MAST2: variants seen among roughly 807,000 people sequenced by gnomAD.
MAST2 encodes microtubule-associated serine/threonine-protein kinase 2.
In MAST2, 70 loss-of-function variants were observed where a neutral mutation model predicts 147.4. That is an observed-to-expected ratio of 0.47 (90% CI 0.39 to 0.58). MAST2 has a LOEUF of 0.58. Ranked by LOEUF, MAST2 falls within the 20% of genes least tolerant of loss-of-function variation. The probability of loss-of-function intolerance (pLI) is 0.00; values close to 1 mark genes in which losing one functional copy is unlikely to be tolerated. For missense variants in MAST2, 2,080 were observed against 2,302.3 expected (o/e 0.90, Z 1.98); for synonymous variants, 869 against 896.8 (o/e 0.97, Z 0.55).
At chr1:46,003,038 G>A (rs887713724) in intron 7 of MAST2, among the ~76,000 whole-genome samples, 155 bp downstream of exon 7, 3 of 152,176 alleles carry the variant, frequency 2.0e-5, no homozygotes, top group African/African-American at 7.2e-5. Flanking sequence ...GAGGGCTGGG[G>A]TCCCTTCCCA....
intron 3 of MAST2, among the ~76,000 whole-genome samples, chr1:45,830,181 CTTTTTTTT>C (rs11407885): frequency 6.5e-5 from 7 of 108,256 alleles, no homozygotes; most frequent in African/African-American, 2.2e-4. Flanking sequence ...TTAATTGAAT[CTTTTTTTT>C]TTTTTTTTTT....
Position 45,827,202 on chromosome 1 carries a change from A to G in MAST2, c.326-2237A>G, listed in dbSNP as rs950070770. On this transcript the variant is annotated intron_variant, in intron 2 of 28. Coordinates refer to ENST00000361297, the MANE Select transcript of MAST2 (RefSeq NM_015112.3). The stretch of plus-strand genomic sequence containing the variant: ...GATAAAAGCATGTGCTTGGTCTGCC[A>G]TCTTTAACTGAGAATGTTTTATGCA... Among the ~76,000 whole-genome samples, 11 of 152,330 alleles carry G rather than the reference A, an allele frequency of 7.2e-5. No individual in the cohort carries two copies. In the South Asian group the frequency reaches 1.2e-3, roughly 17 times the overall value.
chr1:45,959,211 C>G (rs955250987), intron 4 of MAST2, among the ~76,000 whole-genome samples, 175 bp from the exon 5 acceptor site: 1 of 152,146 alleles, frequency 6.6e-6, no homozygotes, highest in Admixed American at 6.5e-5. Context: ...AGGAGGAACA[C>G]AGTGCTTTAT....
At chr1:46,029,801 C>A in intron 19 of MAST2, 30 bp from the exon 20 acceptor site, 1 of 1,612,044 alleles carries the variant, frequency 6.2e-7, no homozygotes, top group Non-Finnish European at 8.5e-7. Context: ...GCTCATCCTA[C>A]CCCCTTGCCC....
At chr1:46,005,799 C>A (rs552961533) in intron 7 of MAST2, among the ~76,000 whole-genome samples, 5 of 152,264 alleles carry the variant, frequency 3.3e-5, no homozygotes, top group African/African-American at 1.2e-4. Flanking sequence ...GCCTTCACAG[C>A]CCCAGCAAAG....
At chr1:45,831,902 C>T (rs1644969431) in intron 3 of MAST2, among the ~76,000 whole-genome samples, 1 of 151,750 alleles carries the variant, frequency 6.6e-6, no homozygotes, top group Non-Finnish European at 1.5e-5. Context: ...GTGTCAGCCT[C>T]CCAAGTAGCT....
In MAST2 at chr1:45,980,275, CAAAAAAAAAAA is replaced by C. The variant is rs35235290; in HGVS notation, c.593-17437_593-17427del. On this transcript the variant is annotated intron_variant, in intron 5 of 28. Transcript: ENST00000361297. ...GGGCAACAGAGTGAGACTGTGTTTC[CAAAAAAAAAAA>C]AAAAAAAAAAAGGCAACAAAAGATT... is the stretch of plus-strand genomic sequence containing the variant. Among the ~76,000 whole-genome samples, 69 of 84,058 alleles carry C rather than the reference CAAAAAAAAAAA, an allele frequency of 8.2e-4. 1 individual carries two copies. Among genetic ancestry groups the C allele is most frequent in the South Asian group, 4.2e-3 (10 of 2,358 alleles). 55.1% of individuals were successfully genotyped at this position (84,058 alleles called of 152,430 possible).
rs1401255303 is a variant in MAST2, at chr1:46,022,989, C to T, written c.1485+18C>T. 2 of 1,611,664 alleles carry T rather than the reference C, an allele frequency of 1.2e-6. No homozygotes were observed. Among genetic ancestry groups the T allele is most frequent in the Middle Eastern group, 1.7e-4 (1 of 6,058 alleles). ...CTATTGAGGTAAAAACCCTGAGCTC[C>T]TACCCCATTCCTGGAGCCTGGGCCC... On this transcript the variant is annotated intron_variant, in intron 13 of 28. Coordinates refer to ENST00000361297, the MANE Select transcript of MAST2 (RefSeq NM_015112.3).
At chr1:45,993,362 T>C (rs1243298791) in intron 5 of MAST2, among the ~76,000 whole-genome samples, 1 of 152,028 alleles carries the variant, frequency 6.6e-6, no homozygotes, top group East Asian at 1.9e-4. Flanking sequence ...TGAAAAAGTA[T>C]TTATTTTTTA....
At chr1:45,832,805 T>G (rs1227126917) in intron 3 of MAST2, among the ~76,000 whole-genome samples, 1 of 152,176 alleles carries the variant, frequency 6.6e-6, no homozygotes, top group Non-Finnish European at 1.5e-5. Flanking sequence ...AATTCACATA[T>G]GATATAATTC....
At chr1:45,810,857 CTTTT>C (rs1221701114) in intron 1 of MAST2, among the ~76,000 whole-genome samples, 1 of 119,980 alleles carries the variant, frequency 8.3e-6, no homozygotes. Context: ...GCAGTATATT[CTTTT>C]TTTTTTTTTT....
Position 46,033,809 on chromosome 1 carries a change from A to G in MAST2, c.3545A>G (p.Asn1182Ser), listed in dbSNP as rs753514688. 13 of 1,614,034 alleles carry G rather than the reference A, an allele frequency of 8.1e-6. No homozygotes were observed. Among genetic ancestry groups the G allele is most frequent in the African/African-American group, 8.0e-5 (6 of 74,932 alleles). The change falls in exon 27 of 29, where the codon AAC becomes AGC. Residue 1182 changes from asparagine (N) to serine (S), a missense_variant. Asn to Ser is a conservative substitution (Grantham distance 46). Around this residue, in one of 4 missense-constraint regions of MAST2, gnomAD observed 1,278 missense variants for 1,304.2 expected, o/e 0.98. Transcript: ENST00000361297. ...TCATGCTCTGCTCCCCAGAGTGGAA[A>G]CAAGGTGGCCATTTCAACAACTCCC... ...EVVELILKSG[N>S]KVAISTTPLE...
chr1:46,027,785 A>C lies in MAST2; in HGVS notation c.1974A>C (p.Lys658Asn), dbSNP rs983454803. The C allele has an allele frequency of 4.3e-6, 7 of 1,614,076 alleles. No individual in the cohort carries two copies. Among genetic ancestry groups the C allele is most frequent in the Non-Finnish European group, 5.1e-6 (6 of 1,180,030 alleles). ...AGCTCACGGACTTTGGACTGTCCAA[A>C]ATTGGCCTCATGAGTCTGACAACGA... is the stretch of plus-strand genomic sequence containing the variant. ...HIKLTDFGLS[K>N]IGLMSLTTNL... Residue 658 changes from lysine to asparagine, a missense_variant, in exon 17 of 29, where the codon AAA becomes AAC. Around this residue, in one of 4 missense-constraint regions of MAST2, gnomAD observed 209 missense variants for 309.5 expected, o/e 0.68. Transcript: ENST00000361297.
chr1:45,889,758 A>G (rs1647395766), intron 4 of MAST2, among the ~76,000 whole-genome samples: 1 of 151,600 alleles, frequency 6.6e-6, no homozygotes, highest in South Asian at 2.1e-4. Context: ...GGTGCACGCC[A>G]TGACACCCAG....
At chr1:45,806,969 A>G (rs1644160813) in intron 1 of MAST2, among the ~76,000 whole-genome samples, 1 of 152,196 alleles carries the variant, frequency 6.6e-6, no homozygotes, top group Admixed American at 6.5e-5. Flanking sequence ...TGACCTCCCA[A>G]AGTGCTGGGA....
chr1:45,851,981 T>A (rs1374296372), intron 3 of MAST2, among the ~76,000 whole-genome samples: 1 of 152,122 alleles, frequency 6.6e-6, no homozygotes, highest in African/African-American at 2.4e-5. Context: ...TTTAAAAAAA[T>A]ACTTATGGTT....
chr1:46,013,965 C>T (rs1645822952), intron 10 of MAST2, among the ~76,000 whole-genome samples: 1 of 151,950 alleles, frequency 6.6e-6, no homozygotes, highest in South Asian at 2.1e-4. Flanking sequence ...GAAGAAAAGT[C>T]CTCATTTACT....
intron 5 of MAST2, among the ~76,000 whole-genome samples, chr1:45,970,182 T>A (rs966520720): frequency 6.6e-6 from 1 of 152,218 alleles, no homozygotes; most frequent in Non-Finnish European, 1.5e-5. Context: ...TTTTCTTCAG[T>A]AATCACTGTG....
chr1:45,928,469 C>G (rs1388972763), intron 4 of MAST2, among the ~76,000 whole-genome samples: 1 of 151,902 alleles, frequency 6.6e-6, no homozygotes, highest in Non-Finnish European at 1.5e-5. Flanking sequence ...AGTGTCTAAA[C>G]TAGGAAATTT....
Sources: allele counts gnomAD v4.1 joint callset (sites outside exome capture counted in the v4.1 genomes callset), GRCh38; gene constraint gnomAD v4.1.1; regional missense constraint gnomAD v4.1.1; transcripts MANE v1.5; gene names NCBI Gene and HGNC (gene_info 2026-07-23, HGNC 2026-07-21).